The following EPHA3 variants were observed in gnomAD, a reference collection of about 807,000 sequenced individuals.
EPHA3 encodes EPH receptor A3, also known as ephrin type-A receptor 3.
EPHA3 carries 42 observed loss-of-function variants against 107.1 expected under a neutral mutation model. That is an observed-to-expected ratio of 0.39 (90% CI 0.31 to 0.51). The LOEUF (loss-of-function observed/expected upper bound fraction) is 0.51. EPHA3 is among the 20% of genes least tolerant of loss of function. EPHA3 has a pLI of 0.78. For missense variants in EPHA3, 1,183 were observed against 1,211.2 expected, an observed-to-expected ratio of 0.98 and a Z score of 0.35; for synonymous variants, 461 against 424.8, an observed-to-expected ratio of 1.09 and a Z score of -1.05.
chr3:89,279,524 C>G (rs1293687931), intron 3 of EPHA3, among the ~76,000 whole-genome samples: 1 of 151,918 alleles, frequency 6.6e-6, no homozygotes, highest in African/African-American at 2.4e-5. Flanking sequence ...ATACATGATA[C>G]TAAAAGTTAT....
intron 5 of EPHA3, among the ~76,000 whole-genome samples, chr3:89,352,275 G>T (rs1707844325): frequency 1.3e-5 from 2 of 151,106 alleles, no homozygotes; most frequent in South Asian, 4.2e-4. Context: ...GCTGAAAATT[G>T]CCATCCATTA....
At chr3:89,286,111 A>G (rs74469246) in intron 3 of EPHA3, among the ~76,000 whole-genome samples, 2,561 of 136,504 alleles carry the variant, frequency 0.019, 51 homozygotes, top group African/African-American at 0.062. Context: ...TAGGAGGATC[A>G]ATTTCTACGT....
At chr3:89,444,089 G>A (rs2107548553) in intron 13 of EPHA3, among the ~76,000 whole-genome samples, 1 of 152,250 alleles carries the variant, frequency 6.6e-6, no homozygotes. Flanking sequence ...TGTAGTGAAT[G>A]TGTATTGTTT....
Position 89,413,234 on chromosome 3 carries a change from C to A in EPHA3, c.1856C>A (p.Thr619Asn), listed in dbSNP as rs759287229. Residue 619 changes from threonine (T) to asparagine (N), a missense_variant, in exon 10 of 17, where the codon ACC becomes AAC. Transcript: ENST00000336596. ...VHEFAKELDA[T>N]NISIDKVVGA... is the part of the protein sequence containing the mutation. ...GAGTTTGCCAAGGAATTGGATGCCA[C>A]CAACATATCCATTGATAAAGTTGTT... The A allele has an allele frequency of 6.2e-7, 1 of 1,611,728 alleles. No homozygotes were observed. Among genetic ancestry groups the A allele is most frequent in the South Asian group, 1.1e-5 (1 of 91,030 alleles).
At chr3:89,138,528 T>C (rs1462646406) in intron 2 of EPHA3, among the ~76,000 whole-genome samples, 1 of 151,966 alleles carries the variant, frequency 6.6e-6, no homozygotes, top group Non-Finnish European at 1.5e-5. Context: ...GACTATTAAC[T>C]GTTCCTAGAG....
In EPHA3 at chr3:89,316,650, T is replaced by C. The variant is rs566386169; in HGVS notation, c.815-24266T>C. On this transcript the variant is annotated intron_variant, in intron 3 of 16. Transcript: ENST00000336596. ...GCAGGAGGAAAAGTTCTCTTTTAAA[T>C]ATGCTACAGTTTTCTCTTTGGTGAT... Among the ~76,000 whole-genome samples the C allele has an allele frequency of 5.3e-5, 8 of 150,898 alleles. 1 individual carries two copies. The South Asian group carries it at 1.5e-3, about 28-fold the overall frequency.
chr3:89,471,233 A>T (rs1710394718), intron 15 of EPHA3, among the ~76,000 whole-genome samples: 1 of 151,086 alleles, frequency 6.6e-6, no homozygotes, highest in Non-Finnish European at 1.5e-5. Flanking sequence ...TTGCCTCTTC[A>T]GGGAGGCAAA....
At chr3:89,263,580 G>C (rs1410789582) in intron 3 of EPHA3, among the ~76,000 whole-genome samples, 1 of 152,052 alleles carries the variant, frequency 6.6e-6, no homozygotes, top group Non-Finnish European at 1.5e-5. Flanking sequence ...TGGCCATCTC[G>C]GGCCAGATTC....
At chr3:89,145,001 A>C (rs1704506314) in intron 2 of EPHA3, among the ~76,000 whole-genome samples, 1 of 151,776 alleles carries the variant, frequency 6.6e-6, no homozygotes, top group African/African-American at 2.4e-5. Context: ...GATTTGATCG[A>C]TGATTTAACA....
intron 2 of EPHA3, among the ~76,000 whole-genome samples, chr3:89,147,608 T>C (rs1704593155): frequency 6.6e-6 from 1 of 151,850 alleles, no homozygotes; most frequent in African/African-American, 2.4e-5. Flanking sequence ...TTGACCGCAA[T>C]CAGTTCAATA....
Position 89,210,363 on chromosome 3 carries a change from C to A in EPHA3, c.657C>A (p.Asp219Glu). 6.2e-7 allele frequency: 1 copy of A among 1,613,742 alleles called. No individual in the cohort carries two copies. Among genetic ancestry groups the A allele is most frequent in the East Asian group, 2.2e-5 (1 of 44,872 alleles). Residue 219 changes from aspartate to glutamate, a missense_variant, in exon 3 of 17, where the codon GAC becomes GAA. By Grantham distance (45) the Asp-to-Glu change is conservative. Coordinates refer to ENST00000336596, the MANE Select transcript of EPHA3 (RefSeq NM_005233.6). The stretch of plus-strand genomic sequence containing the variant: ...TGTTTCCAGACACGGTACCCATGGA[C>A]TCCCAGTCCCTGGTGGAGGTTAGAG... ...LAMFPDTVPM[D>E]SQSLVEVRGS...
intron 2 of EPHA3, among the ~76,000 whole-genome samples, chr3:89,129,802 CTTAT>C (rs553769864): frequency 1.6e-4 from 24 of 151,834 alleles, no homozygotes; most frequent in Admixed American, 3.3e-4. Context: ...GAAATAGATA[CTTAT>C]AACAATTGTG....
intron 2 of EPHA3, among the ~76,000 whole-genome samples, chr3:89,208,470 GAAAGAA>G (rs1706176967): frequency 7.8e-6 from 1 of 128,992 alleles, no homozygotes; most frequent in Non-Finnish European, 1.6e-5. Context: ...AAGAAAGAAA[GAAAGAA>G]AGAAAGAGAA....
chr3:89,139,370 T>C (rs1410084372), intron 2 of EPHA3, among the ~76,000 whole-genome samples: 1 of 151,896 alleles, frequency 6.6e-6, no homozygotes, highest in Non-Finnish European at 1.5e-5. Context: ...AAACTGTGTT[T>C]GTCCAGAAAT....
At chr3:89,200,908 T>A (rs148305932) in intron 2 of EPHA3, among the ~76,000 whole-genome samples, 1 of 152,232 alleles carries the variant, frequency 6.6e-6, no homozygotes, top group African/African-American at 2.4e-5. Flanking sequence ...TAGCTTCCTG[T>A]CCAGGGCTGG....
intron 3 of EPHA3, among the ~76,000 whole-genome samples, chr3:89,243,089 A>C (rs2107248407): frequency 6.6e-6 from 1 of 151,824 alleles, no homozygotes; most frequent in African/African-American, 2.4e-5. Context: ...TGAACTCATC[A>C]TTTTTTATGG....
intron 13 of EPHA3, among the ~76,000 whole-genome samples, chr3:89,446,218 A>T (rs1007383007): frequency 6.6e-6 from 1 of 152,204 alleles, no homozygotes; most frequent in Non-Finnish European, 1.5e-5. Context: ...ATTTCATTAG[A>T]GAACATACTG....
intron 2 of EPHA3, among the ~76,000 whole-genome samples, chr3:89,146,941 G>A (rs1704571660): frequency 6.6e-6 from 1 of 151,832 alleles, no homozygotes. Context: ...CAACCCAAAT[G>A]TCCATCAATG....
chr3:89,425,904 T>C (rs1053975204), intron 11 of EPHA3, among the ~76,000 whole-genome samples: 3 of 151,598 alleles, frequency 2.0e-5, no homozygotes, highest in African/African-American at 4.8e-5. Flanking sequence ...CTGGGGATAG[T>C]TGGGAAAAGG....
Sources: allele counts gnomAD v4.1 joint callset (sites outside exome capture counted in the v4.1 genomes callset), GRCh38; gene constraint gnomAD v4.1.1; transcripts MANE v1.5; gene names NCBI Gene and HGNC (gene_info 2026-07-23, HGNC 2026-07-21).